Variants in SEC61A1 observed in about 807,000 individuals in gnomAD.
The protein encoded by SEC61A1 is protein transport protein Sec61 subunit alpha isoform 1.
SEC61A1 carries 15 observed loss-of-function variants against 55.2 expected under a neutral mutation model. The ratio of observed to expected loss-of-function variants is 0.27; its 90% CI spans 0.18 to 0.42. The LOEUF (loss-of-function observed/expected upper bound fraction) is 0.42, where lower values mean the gene tolerates loss of function less well. SEC61A1 is among the 10% of genes least tolerant of loss of function. SEC61A1 has a pLI of 1.00. For missense variants in SEC61A1, 284 were observed against 602.6 expected (o/e 0.47, Z 5.53); for synonymous variants, 247 against 234.0 (o/e 1.06, Z -0.51).
At position 128,066,943 on chromosome 3, in the gene SEC61A1, T is replaced by C; in HGVS notation, c.778-11T>C. The C allele has an allele frequency of 1.9e-6, 3 of 1,614,108 alleles. No individual in the cohort carries two copies. The highest frequency in any genetic ancestry group is 2.5e-6 in the Non-Finnish European group (3 of 1,179,986). ...GCAGTGAAGGGGATTTGGTTCTGTT[T>C]GGCTTCTCAGGGCTTCCGAGTGGAC... On this transcript the variant is annotated splice_polypyrimidine_tract_variant and intron_variant, in intron 8 of 11. Coordinates refer to ENST00000243253, the MANE Select transcript of SEC61A1 (RefSeq NM_013336.4).
intron 6 of SEC61A1, 47 bp downstream of exon 6, chr3:128,060,258 C>A: frequency 1.5e-6 from 2 of 1,351,246 alleles, no homozygotes; most frequent in Non-Finnish European, 2.1e-6. Context: ...CTCACACTTA[C>A]CTACAATTCT....
At chr3:128,066,845 A>G (rs1941996879) in intron 8 of SEC61A1, 109 bp from the exon 9 acceptor site, 3 of 1,025,990 alleles carry the variant, frequency 2.9e-6, no homozygotes, top group Admixed American at 2.1e-5. Context: ...ACCAGCACAC[A>G]GGATTTCCTC....
chr3:128,064,418 ATTGC>A (rs1234954614), intron 7 of SEC61A1, among the ~76,000 whole-genome samples: 1 of 152,040 alleles, frequency 6.6e-6, no homozygotes, highest in African/African-American at 2.4e-5. Context: ...AGGCGGGAGG[ATTGC>A]TTGAGGTCAG....
chr3:128,052,421 C>T (rs547385728), upstream of SEC61A1: 194 of 1,248,020 alleles, frequency 1.6e-4, 2 homozygotes, highest in South Asian at 6.3e-3. Context: ...GCGCCGCTTG[C>T]CGCCGGGCTA....
intron 8 of SEC61A1, 177 bp downstream of exon 8, chr3:128,065,214 A>G (rs572236785): frequency 1.3e-6 from 1 of 741,478 alleles, no homozygotes; most frequent in Non-Finnish European, 2.4e-6. Flanking sequence ...TCATTGAGTC[A>G]TGGGACCTGC....
Position 128,071,099 on chromosome 3 carries a change from C to T in SEC61A1, c.*1437C>T, listed in dbSNP as rs1447010236. 2 of 152,382 alleles carry T rather than the reference C, an allele frequency of 1.3e-5. No individual in the cohort carries two copies. Among genetic ancestry groups the T allele is most frequent in the Non-Finnish European group, 2.9e-5 (2 of 68,176 alleles). The allele number at this position is 152,382 out of a possible 1,614,324, so 9.4% of individuals were successfully genotyped here. A position where few individuals can be genotyped will look rare whatever the true frequency, so the allele number is the denominator to read the frequency against. On this transcript the variant is annotated 3_prime_UTR_variant, in exon 12 of 12. Coordinates refer to ENST00000243253, the MANE Select transcript of SEC61A1 (RefSeq NM_013336.4). ...AGCCTGCAAAGCACAGGGCCACCGC[C>T]ACAGCCCGGCAGAGGGGCACACTCT...
chr3:128,067,722 C>T lies in SEC61A1; in HGVS notation c.1167+110C>T, dbSNP rs1942026900. 7 of 928,352 alleles carry T rather than the reference C, an allele frequency of 7.5e-6. No individual in the cohort carries two copies. The highest frequency in any genetic ancestry group is 2.5e-5 in the East Asian group (1 of 39,952). 57.5% of individuals were successfully genotyped at this position (928,352 alleles called of 1,614,324 possible). ...TGGTCTGTGACGTGTGCAGATAGAT[C>T]GTCGTCCTTTAGGGGGCAGTTCAGA... On this transcript the variant is annotated intron_variant, in intron 10 of 11. Transcript: ENST00000243253. This position sits in a 1 kb window ranked among gnomAD's most constrained non-coding sequence, Gnocchi z 4.1.
chr3:128,056,941 T>TA lies in SEC61A1; in HGVS notation c.352+101_352+102insA. 1.0e-5 allele frequency: 10 copies of TA among 961,696 alleles called. No homozygotes were observed. In the South Asian group the frequency reaches 2.0e-4, roughly 19 times the overall value. 59.6% of individuals were successfully genotyped at this position (961,696 alleles called of 1,614,324 possible). On this transcript the variant is annotated intron_variant, in intron 5 of 11. Coordinates refer to ENST00000243253, the MANE Select transcript of SEC61A1 (RefSeq NM_013336.4). ...TTCTTTTTTTATTTATTTTTTATTT[T>TA]TTTTTTTTTTTTTGAGATGGAGTCT... is the stretch of plus-strand genomic sequence containing the variant.
chr3:128,052,869 C>T lies in SEC61A1; in HGVS notation c.42C>T (p.Val14=), dbSNP rs756248505. The T allele has an allele frequency of 3.1e-6, 5 of 1,613,078 alleles. No homozygotes were observed. In the African/African-American group the frequency reaches 6.7e-5, roughly 22 times the overall value. Residue 14 remains valine (V), a synonymous_variant, in exon 2 of 12, where the codon GTC becomes GTT. Transcript: ENST00000243253. ...KFLEVIKPFC[V]ILPEIQKPER... ...TGGAAGTCATCAAGCCCTTCTGTGT[C>T]ATCCTGCCGGAAATTCAGAAGCCAG...
At chr3:128,063,765 A>T (rs1941888190) in intron 7 of SEC61A1, among the ~76,000 whole-genome samples, 1 of 152,170 alleles carries the variant, frequency 6.6e-6, no homozygotes, top group Non-Finnish European at 1.5e-5. Flanking sequence ...CCAGGCTTCC[A>T]TTATGGGATG....
intron 7 of SEC61A1, chr3:128,064,632 A>C: frequency 2.1e-6 from 1 of 479,154 alleles, no homozygotes; most frequent in Non-Finnish European, 3.7e-6. Context: ...TAGGCAGCCG[A>C]GAGAGAGGGA....
chr3:128,053,046 C>G, intron 2 of SEC61A1, 144 bp downstream of exon 2: 3 of 615,428 alleles, frequency 4.9e-6, no homozygotes, highest in South Asian at 2.2e-5. Flanking sequence ...CTCTGTTATT[C>G]CGGAGAGCTG....
chr3:128,051,688 C>T, upstream of SEC61A1: 9 of 1,442,832 alleles, frequency 6.2e-6, no homozygotes, highest in East Asian at 2.5e-5. Context: ...AACCTGTTCC[C>T]TCATTCCTTC....
chr3:128,059,956 G>A (rs1294071146), intron 5 of SEC61A1, 146 bp from the exon 6 acceptor site: 4 of 612,010 alleles, frequency 6.5e-6, no homozygotes, highest in East Asian at 2.7e-5. Context: ...GGTTTAGCGC[G>A]TTCTCAGCCG....
chr3:128,051,853 C>A, upstream of SEC61A1: 2 of 1,535,940 alleles, frequency 1.3e-6, no homozygotes, highest in Admixed American at 2.0e-5. Context: ...TGGAAGGGGA[C>A]CCACACCCAC....
chr3:128,067,849 C>T lies in SEC61A1; in HGVS notation c.1168-134C>T, dbSNP rs569165517. On this transcript the variant is annotated intron_variant, in intron 10 of 11. Transcript: ENST00000243253. This position sits in a 1 kb window ranked among gnomAD's most constrained non-coding sequence, Gnocchi z 4.1. ...TAGACTTTTTCATATGACTTCCTTG[C>T]GGCAGTTTTAAAGTTCTCTGTATGA... The T allele has an allele frequency of 3.8e-5, 29 of 770,946 alleles. No homozygotes were observed. Among genetic ancestry groups the T allele is most frequent in the African/African-American group, 6.9e-5 (4 of 57,874 alleles). 47.8% of individuals were successfully genotyped at this position (770,946 alleles called of 1,614,324 possible). A position where few individuals can be genotyped will look rare whatever the true frequency, so the allele number is the denominator to read the frequency against.
chr3:128,056,768 T>C lies in SEC61A1; in HGVS notation c.280T>C (p.Leu94=). The change falls in exon 5 of 12, where the codon TTG becomes CTG. Residue 94 remains leucine (L), a synonymous_variant. Coordinates refer to ENST00000243253, the MANE Select transcript of SEC61A1 (RefSeq NM_013336.4). ...CACGTCTGGCCTTATAATGCAACTCTTGGCTGGCGCCAAGATAATTGAAGT... is the reference window on the plus strand; with the variant it reads ...CACGTCTGGCCTTATAATGCAACTCCTGGCTGGCGCCAAGATAATTGAAGT... ...IVTSGLIMQL[L]AGAKIIEVGD... 1 of 1,610,868 alleles carries C rather than the reference T, an allele frequency of 6.2e-7. No homozygotes were observed. Among genetic ancestry groups the C allele is most frequent in the South Asian group, 1.1e-5 (1 of 90,600 alleles).
At position 128,070,542 on chromosome 3, in the gene SEC61A1, T is replaced by G. The variant is rs1362357874; in HGVS notation, c.*880T>G. 5 of 152,272 alleles carry G rather than the reference T, an allele frequency of 3.3e-5. No individual in the cohort carries two copies. The highest frequency in any genetic ancestry group is 6.3e-3 in the Middle Eastern group (2 of 316). The allele number at this position is 152,272 out of a possible 1,614,324, so 9.4% of individuals were successfully genotyped here. A position where few individuals can be genotyped will look rare whatever the true frequency, so the allele number is the denominator to read the frequency against. On this transcript the variant is annotated 3_prime_UTR_variant, in exon 12 of 12. Coordinates refer to ENST00000243253, the MANE Select transcript of SEC61A1 (RefSeq NM_013336.4). Reference sequence around the variant, plus strand: ...GTAGCTATCAGACATGGACAGAAACTGACTTAGTGCTCACAAGCCCCTACA... The same window carrying G: ...GTAGCTATCAGACATGGACAGAAACGGACTTAGTGCTCACAAGCCCCTACA...
intron 6 of SEC61A1, 45 bp from the exon 7 acceptor site, chr3:128,060,463 G>C (rs2304018): frequency 1.3e-6 from 2 of 1,598,812 alleles, no homozygotes; most frequent in Admixed American, 3.4e-5. Context: ...AACCATGTCC[G>C]TGGGGAGCAG....
Sources: gnomAD v4.1 joint callset for allele counts (sites outside exome capture counted in the v4.1 genomes callset) on GRCh38, gnomAD v4.1.1 for gene constraint, Gnocchi (gnomAD v3.1) non-coding constraint, MANE v1.5 for transcripts, NCBI Gene and HGNC (gene_info 2026-07-23, HGNC 2026-07-21) for gene names.